The following ZPBP variants were observed in gnomAD, a reference collection of about 807,000 sequenced individuals.
ZPBP encodes zona pellucida binding protein, also known as zona pellucida-binding protein 1.
In ZPBP, 26 loss-of-function variants were observed where a neutral mutation model predicts 44.8. The ratio of observed to expected loss-of-function variants is 0.58; its 90% CI spans 0.43 to 0.81. ZPBP has a LOEUF of 0.81. ZPBP is among the 30% of genes least tolerant of loss of function. ZPBP has a pLI of 0.00. For synonymous variants in ZPBP, 174 were observed against 153.2 expected (o/e 1.14, Z -1.00); for missense variants, 409 against 434.0 (o/e 0.94, Z 0.51).
intron 7 of ZPBP, among the ~76,000 whole-genome samples, chr7:49,975,665 G>T (rs142552178): frequency 1.1e-4 from 16 of 152,304 alleles, no homozygotes; most frequent in Non-Finnish European, 2.2e-4. Context: ...TTCCAAGTGG[G>T]TGAGGTGTGC....
intron 7 of ZPBP, among the ~76,000 whole-genome samples, chr7:49,939,235 G>C (rs1414403617): frequency 6.6e-6 from 1 of 152,146 alleles, no homozygotes; most frequent in East Asian, 1.9e-4. Context: ...ACATGCAGAA[G>C]AGAAATCTGC....
chr7:49,841,998 C>G, the ZPBP span, among the ~76,000 whole-genome samples: 2 of 152,104 alleles, frequency 1.3e-5, no homozygotes, highest in African/African-American at 2.4e-5. Flanking sequence ...TCCTGAGTAG[C>G]TGGGATTACA....
chr7:49,926,330 C>T (rs752591079), intron 1 of ZPBP, among the ~76,000 whole-genome samples: 24 of 152,352 alleles, frequency 1.6e-4, no homozygotes, highest in Middle Eastern at 3.4e-3. Context: ...CCATCAGCTT[C>T]TCTATTCCTT....
chr7:50,010,849 A>G (rs1010862172), intron 6 of ZPBP, among the ~76,000 whole-genome samples: 2 of 151,734 alleles, frequency 1.3e-5, no homozygotes, highest in South Asian at 2.1e-4. Flanking sequence ...TAGAAAAAAT[A>G]ATCCTAAAAT....
intron 6 of ZPBP, among the ~76,000 whole-genome samples, chr7:50,007,744 T>C (rs995368489): frequency 4.6e-5 from 7 of 152,020 alleles, no homozygotes; most frequent in Non-Finnish European, 2.9e-5. Context: ...ATCAGTGTAA[T>C]ACATCACAAG....
intron 2 of ZPBP, among the ~76,000 whole-genome samples, chr7:50,082,235 T>C (rs1802402254): frequency 6.6e-6 from 1 of 151,742 alleles, no homozygotes; most frequent in Admixed American, 6.6e-5. Flanking sequence ...AAGATAATAC[T>C]ATATCTACAC....
downstream of ZPBP, among the ~76,000 whole-genome samples, chr7:49,848,193 C>T (rs937283390): frequency 2.0e-5 from 3 of 152,160 alleles, no homozygotes; most frequent in African/African-American, 4.8e-5. Context: ...CTTTGAGTGA[C>T]GTATGAGTTT....
At chr7:49,999,372 T>C (rs907401296) in intron 6 of ZPBP, among the ~76,000 whole-genome samples, 1 of 152,014 alleles carries the variant, frequency 6.6e-6, no homozygotes, top group Non-Finnish European at 1.5e-5. Context: ...ATCCTGTGAT[T>C]TTTATGTGTC....
chr7:49,995,128 T>C (rs1797763845), intron 6 of ZPBP, among the ~76,000 whole-genome samples: 1 of 152,186 alleles, frequency 6.6e-6, no homozygotes, highest in African/African-American at 2.4e-5. Flanking sequence ...ACATAAAATA[T>C]CTTATCAATA....
At chr7:49,907,185 A>G (rs1262369289) in intron 1 of ZPBP, among the ~76,000 whole-genome samples, 1 of 152,234 alleles carries the variant, frequency 6.6e-6, no homozygotes, top group Non-Finnish European at 1.5e-5. Context: ...TAATTTGCTT[A>G]TTCTTAAAAA....
At chr7:49,920,962 G>A (rs766957393) in intron 1 of ZPBP, 7 of 152,162 alleles carry the variant, frequency 4.6e-5, no homozygotes, top group Non-Finnish European at 7.3e-5. Flanking sequence ...TATAGACTGA[G>A]AATAATGATA....
intron 5 of ZPBP, 152 bp from the exon 6 acceptor site, chr7:50,018,468 AC>A: frequency 1.7e-6 from 1 of 581,032 alleles, no homozygotes; most frequent in East Asian, 3.0e-5. Flanking sequence ...TCAGCAAAAA[AC>A]CTAAGTCAAC....
chr7:49,879,287 C>T (rs929683309), intron 2 of ZPBP, among the ~76,000 whole-genome samples: 4 of 152,124 alleles, frequency 2.6e-5, no homozygotes, highest in African/African-American at 9.7e-5. Context: ...ATCTCTAGAG[C>T]AATTATGCTT....
At chr7:50,093,042 G>A in intron 1 of ZPBP, 26 bp downstream of exon 1, 1 of 1,590,336 alleles carries the variant, frequency 6.3e-7, no homozygotes, top group South Asian at 1.1e-5. Context: ...TCCCTGCGGA[G>A]CCGGCAGGGC....
chr7:49,890,451 T>C (rs1792080097), intron 2 of ZPBP, among the ~76,000 whole-genome samples: 1 of 152,158 alleles, frequency 6.6e-6, no homozygotes, highest in South Asian at 2.1e-4. Flanking sequence ...TTTGACTTTT[T>C]ACAGACCAAT....
intron 4 of ZPBP, among the ~76,000 whole-genome samples, chr7:50,048,318 G>C (rs1382758409): frequency 6.6e-6 from 1 of 151,936 alleles, no homozygotes. Context: ...AAAAAAACTA[G>C]GAAGAAGATC....
At chr7:49,998,779 CA>C (rs1039386714) in intron 6 of ZPBP, among the ~76,000 whole-genome samples, 27 of 152,142 alleles carry the variant, frequency 1.8e-4, no homozygotes, top group African/African-American at 6.5e-4. Context: ...AGAACTATTT[CA>C]GAAAACTTAC....
At chr7:50,040,258 G>A (rs1486326834) in intron 4 of ZPBP, among the ~76,000 whole-genome samples, 1 of 152,114 alleles carries the variant, frequency 6.6e-6, no homozygotes, top group Non-Finnish European at 1.5e-5. Flanking sequence ...TAAATTCAAA[G>A]GTACAAATAG....
intron 2 of ZPBP, among the ~76,000 whole-genome samples, chr7:49,875,835 C>T (rs1791392562): frequency 6.6e-6 from 1 of 152,104 alleles, no homozygotes; most frequent in Non-Finnish European, 1.5e-5. Context: ...CTTTTTGCTA[C>T]TGGCTGCAGG....
Sources: gnomAD v4.1 joint callset for allele counts (sites outside exome capture counted in the v4.1 genomes callset) on GRCh38, gnomAD v4.1.1 for gene constraint, MANE v1.5 for transcripts, NCBI Gene and HGNC (gene_info 2026-07-23, HGNC 2026-07-21) for gene names.